GALNTL6: variants seen among roughly 807,000 people sequenced by gnomAD.
The protein encoded by GALNTL6 is polypeptide N-acetylgalactosaminyltransferase like 6, also known as polypeptide N-acetylgalactosaminyltransferase-like 6.
GALNTL6 carries 46 observed loss-of-function variants against 73.7 expected under a neutral mutation model. That is an observed-to-expected ratio of 0.62 (90% CI 0.49 to 0.80). The LOEUF (loss-of-function observed/expected upper bound fraction) is 0.80. Ranked by LOEUF, GALNTL6 falls within the 30% of genes least tolerant of loss-of-function variation. GALNTL6 has a pLI of 0.00. For synonymous variants in GALNTL6, 259 were observed against 263.7 expected (o/e 0.98, Z 0.17); for missense variants, 604 against 755.0 (o/e 0.80, Z 2.34).
intron 5 of GALNTL6, among the ~76,000 whole-genome samples, chr4:172,757,083 T>C (rs1437621330): frequency 6.6e-6 from 1 of 152,190 alleles, no homozygotes; most frequent in Non-Finnish European, 1.5e-5. Context: ...TGTAACTAAG[T>C]AAAAAATTAT....
At chr4:172,199,131 A>T (rs1027979125) in intron 2 of GALNTL6, among the ~76,000 whole-genome samples, 6 of 152,156 alleles carry the variant, frequency 3.9e-5, no homozygotes, top group Non-Finnish European at 7.3e-5. Flanking sequence ...TCCACTCCTG[A>T]AAAAAGAGGT....
At chr4:172,806,726 A>G (rs1051226843) in intron 5 of GALNTL6, among the ~76,000 whole-genome samples, 1 of 152,154 alleles carries the variant, frequency 6.6e-6, no homozygotes, top group South Asian at 2.1e-4. Context: ...TGAAGGGAAA[A>G]ACATATTTTA....
chr4:172,475,931 A>G (rs1178762218), intron 5 of GALNTL6, among the ~76,000 whole-genome samples: 4 of 152,200 alleles, frequency 2.6e-5, no homozygotes, highest in African/African-American at 9.7e-5. Flanking sequence ...CCTTTATGCT[A>G]ATTTGCCTTT....
intron 5 of GALNTL6, among the ~76,000 whole-genome samples, chr4:172,489,796 A>T (rs1473163108): frequency 6.6e-6 from 1 of 152,178 alleles, no homozygotes; most frequent in Non-Finnish European, 1.5e-5. Context: ...GCTAACACAC[A>T]CTGATTTTCT....
chr4:172,859,207 C>G (rs896234336), intron 7 of GALNTL6, among the ~76,000 whole-genome samples: 1 of 152,122 alleles, frequency 6.6e-6, no homozygotes, highest in Non-Finnish European at 1.5e-5. Flanking sequence ...AAAGGAAAGA[C>G]TGAAGATCAC....
At chr4:172,569,844 CG>C (rs1736695457) in intron 5 of GALNTL6, among the ~76,000 whole-genome samples, 1 of 152,058 alleles carries the variant, frequency 6.6e-6, no homozygotes. Context: ...CACTGGGAGC[CG>C]AGGATATGCG....
intron 5 of GALNTL6, among the ~76,000 whole-genome samples, chr4:172,586,858 G>A (rs544406843): frequency 1.8e-4 from 28 of 152,302 alleles, no homozygotes; most frequent in African/African-American, 5.8e-4. Context: ...GGGGAGTAGA[G>A]CAAGTGTTGG....
chr4:172,898,325 C>G (rs927591117), intron 8 of GALNTL6, among the ~76,000 whole-genome samples: 1 of 123,628 alleles, frequency 8.1e-6, no homozygotes, highest in African/African-American at 3.0e-5. Flanking sequence ...CACACACACA[C>G]GTATAAGATA....
At chr4:172,440,885 T>G (rs1252953276) in intron 5 of GALNTL6, among the ~76,000 whole-genome samples, 3 of 152,126 alleles carry the variant, frequency 2.0e-5, no homozygotes, top group East Asian at 3.8e-4. Context: ...TATAAAATTT[T>G]TTATCAATTT....
chr4:172,565,802 ACTCT>A (rs1286738052), intron 5 of GALNTL6, among the ~76,000 whole-genome samples: 3 of 151,960 alleles, frequency 2.0e-5, no homozygotes, highest in Non-Finnish European at 4.4e-5. Context: ...GCTTGCTTAT[ACTCT>A]CTATTTCTTC....
At position 171,989,058 on chromosome 4, in the gene GALNTL6, T is replaced by G. The variant is rs573414363; in HGVS notation, c.138+174340T>G. 7.9e-5 allele frequency among the ~76,000 whole-genome samples: 12 copies of G among 152,098 alleles called. No homozygotes were observed. In the South Asian group the frequency reaches 1.7e-3, roughly 21 times the overall value. ...TAAAAAGGAGTGCTTAAAAGAGTATTGTCTAAGTTGGCACCAGAGTTGGGG... is the reference window on the plus strand; with the variant it reads ...TAAAAAGGAGTGCTTAAAAGAGTATGGTCTAAGTTGGCACCAGAGTTGGGG... On this transcript the variant is annotated intron_variant, in intron 2 of 12. Coordinates refer to ENST00000506823, the MANE Select transcript of GALNTL6 (RefSeq NM_001034845.3).
intron 7 of GALNTL6, among the ~76,000 whole-genome samples, chr4:172,879,647 G>A (rs996243647): frequency 1.4e-4 from 22 of 151,930 alleles, no homozygotes; most frequent in African/African-American, 5.3e-4. Flanking sequence ...TAGATTTATA[G>A]TACTAAACAC....
chr4:172,003,724 T>C (rs1740747341), intron 2 of GALNTL6, among the ~76,000 whole-genome samples: 1 of 152,118 alleles, frequency 6.6e-6, no homozygotes, highest in Non-Finnish European at 1.5e-5. Flanking sequence ...TATGTCTTGG[T>C]TAATGTCCTC....
intron 3 of GALNTL6, among the ~76,000 whole-genome samples, chr4:172,276,806 T>C (rs1738847951): frequency 6.6e-6 from 1 of 152,194 alleles, no homozygotes; most frequent in Non-Finnish European, 1.5e-5. Flanking sequence ...ATGCAGTATA[T>C]TTCAAGTGGT....
intron 2 of GALNTL6, among the ~76,000 whole-genome samples, chr4:172,105,601 G>A (rs1350367303): frequency 6.6e-6 from 1 of 151,904 alleles, no homozygotes; most frequent in African/African-American, 2.4e-5. Context: ...AGCTTCTAAA[G>A]AGAAAACACA....
At chr4:171,979,092 C>T (rs1386728482) in intron 2 of GALNTL6, among the ~76,000 whole-genome samples, 2 of 152,102 alleles carry the variant, frequency 1.3e-5, no homozygotes, top group Non-Finnish European at 2.9e-5. Flanking sequence ...TAAATTTTCT[C>T]ACCTGTAAAA....
At chr4:172,938,379 T>A (rs575083385) in intron 9 of GALNTL6, among the ~76,000 whole-genome samples, 15 of 152,294 alleles carry the variant, frequency 9.8e-5, no homozygotes, top group African/African-American at 3.6e-4. Context: ...TTGTTGACCA[T>A]GGTGTCAGCT....
At chr4:172,353,154 T>C (rs1741997729) in intron 5 of GALNTL6, among the ~76,000 whole-genome samples, 2 of 152,014 alleles carry the variant, frequency 1.3e-5, no homozygotes, top group African/African-American at 4.8e-5. Flanking sequence ...AAATTGGGGT[T>C]GAATGGCCAG....
intron 7 of GALNTL6, among the ~76,000 whole-genome samples, chr4:172,877,913 C>T (rs372451204): frequency 2.0e-5 from 3 of 152,064 alleles, no homozygotes; most frequent in South Asian, 2.1e-4. Flanking sequence ...CATTAAAACA[C>T]ACCTGCAATG....
Sources: gnomAD v4.1 joint callset for allele counts (sites outside exome capture counted in the v4.1 genomes callset) on GRCh38, gnomAD v4.1.1 for gene constraint, MANE v1.5 for transcripts, NCBI Gene and HGNC (gene_info 2026-07-23, HGNC 2026-07-21) for gene names.